HTR1E: variants seen among roughly 807,000 people sequenced by gnomAD.
HTR1E encodes 5-HT-1E.
Under a neutral mutation model 3.4 loss-of-function variants are expected in HTR1E, and 3 were observed. That is an observed-to-expected ratio of 0.89 (90% confidence interval 0.41 to 2.31). HTR1E has a LOEUF of 2.31. Among genes scored for constraint, HTR1E ranks in the 30% most tolerant of loss-of-function variants. The pLI is 0.05. For synonymous variants in HTR1E, 170 were observed against 182.8 expected (o/e 0.93, Z 0.56); for missense variants, 392 against 467.0 (o/e 0.84, Z 1.48).
intron 1 of HTR1E, among the ~76,000 whole-genome samples, chr6:86,941,804 A>T (rs1768549376): frequency 1.3e-5 from 2 of 151,940 alleles, no homozygotes; most frequent in Non-Finnish European, 2.9e-5. Flanking sequence ...AGATCCTCCT[A>T]ATGACCCCAT....
intron 1 of HTR1E, among the ~76,000 whole-genome samples, chr6:86,943,233 G>C (rs963541882): frequency 6.6e-6 from 1 of 152,172 alleles, no homozygotes; most frequent in African/African-American, 2.4e-5. Flanking sequence ...ACACAGCCAA[G>C]AGGATGGGGT....
intron 1 of HTR1E, among the ~76,000 whole-genome samples, chr6:87,012,113 A>C (rs1768247366): frequency 1.3e-5 from 2 of 152,168 alleles, no homozygotes; most frequent in Non-Finnish European, 2.9e-5. Context: ...TGGGGATCTG[A>C]AAGAACTGTA....
intron 1 of HTR1E, among the ~76,000 whole-genome samples, chr6:86,988,290 C>A (rs1030604420): frequency 5.9e-5 from 9 of 152,106 alleles, no homozygotes; most frequent in Admixed American, 4.6e-4. Flanking sequence ...ACGGGAAGTA[C>A]ACTGCAAAGA....
At chr6:86,940,323 C>T (rs966396206) in intron 1 of HTR1E, among the ~76,000 whole-genome samples, 40 of 151,974 alleles carry the variant, frequency 2.6e-4, no homozygotes, top group African/African-American at 9.4e-4. Context: ...ATCACATGAG[C>T]CCATGAGTTC....
At chr6:86,988,823 G>A (rs1767832898) in intron 1 of HTR1E, among the ~76,000 whole-genome samples, 2 of 152,078 alleles carry the variant, frequency 1.3e-5, no homozygotes, top group East Asian at 3.9e-4. Flanking sequence ...TCACCAAAGA[G>A]TAGAAAATAA....
chr6:86,999,959 A>C (rs2127829934), intron 1 of HTR1E: 1 of 152,858 alleles, frequency 6.5e-6, no homozygotes, highest in Non-Finnish European at 1.5e-5. Context: ...CACTAGAATA[A>C]ATTTTTAAAA....
chr6:86,972,272 T>G (rs1004697508), intron 1 of HTR1E, among the ~76,000 whole-genome samples: 1 of 152,184 alleles, frequency 6.6e-6, no homozygotes, highest in Non-Finnish European at 1.5e-5. Flanking sequence ...TATTAAAAAT[T>G]CTTTATGCAT....
intron 1 of HTR1E, among the ~76,000 whole-genome samples, chr6:86,962,301 A>C: frequency 6.6e-6 from 1 of 152,208 alleles, no homozygotes. Context: ...TCATCTTATC[A>C]GCTATTTGAG....
chr6:87,014,460 A>G (rs967558687), intron 1 of HTR1E, among the ~76,000 whole-genome samples: 27 of 152,152 alleles, frequency 1.8e-4, no homozygotes, highest in Admixed American at 1.5e-3. Context: ...TACTGGGTAT[A>G]TACCCAAAGG....
At chr6:86,958,722 G>T (rs1312635530) in intron 1 of HTR1E, among the ~76,000 whole-genome samples, 1 of 152,158 alleles carries the variant, frequency 6.6e-6, no homozygotes, top group Non-Finnish European at 1.5e-5. Context: ...ATGGCAGTGG[G>T]CCCAAGTTTT....
intron 1 of HTR1E, among the ~76,000 whole-genome samples, chr6:86,996,491 T>TTA (rs3043130): frequency 0.61 from 92,465 of 151,646 alleles, 28,644 homozygotes; most frequent in Admixed American, 0.71. Context: ...AAATAAAAGA[T>TTA]TGTTATTTTG....
chr6:87,004,733 T>C (rs1180743243), intron 1 of HTR1E, among the ~76,000 whole-genome samples: 1 of 151,988 alleles, frequency 6.6e-6, no homozygotes, highest in Non-Finnish European at 1.5e-5. Context: ...GTGCTGGAAG[T>C]CCTAGCTAGA....
At position 87,010,387 on chromosome 6, in the gene HTR1E, G is replaced by A. The variant is rs1245325694; in HGVS notation, c.-185-4763G>A. ...GGGCTGACCCCCCCATCTCCCTCCC[G>A]GACGGGGTGGCTGGCCGGGCTGAGG... is the stretch of plus-strand genomic sequence containing the variant. On this transcript the variant is annotated intron_variant, in intron 1 of 1. Transcript: ENST00000305344. Among the ~76,000 whole-genome samples the A allele has an allele frequency of 6.1e-5, 8 of 132,202 alleles. No homozygotes were observed. The East Asian group carries it at 7.5e-4, about 12-fold the overall frequency. The allele number at this position is 132,202 out of a possible 152,430, so 86.7% of individuals were successfully genotyped here.
intron 1 of HTR1E, among the ~76,000 whole-genome samples, chr6:87,012,176 T>A (rs1768248684): frequency 6.6e-6 from 1 of 152,214 alleles, no homozygotes; most frequent in South Asian, 2.1e-4. Context: ...GCATGCAACA[T>A]CTGAAACCCC....
chr6:86,944,445 T>G (rs373771704), intron 1 of HTR1E, among the ~76,000 whole-genome samples: 2 of 152,324 alleles, frequency 1.3e-5, no homozygotes, highest in South Asian at 4.1e-4. Context: ...AGACTGAAAT[T>G]AGATAATCTG....
At chr6:86,942,477 G>C (rs1768559663) in intron 1 of HTR1E, among the ~76,000 whole-genome samples, 1 of 152,064 alleles carries the variant, frequency 6.6e-6, no homozygotes. Flanking sequence ...CTACCATATA[G>C]TTCATCATAA....
chr6:86,979,170 T>C (rs1441823144), intron 1 of HTR1E, among the ~76,000 whole-genome samples: 1 of 152,206 alleles, frequency 6.6e-6, no homozygotes, highest in Non-Finnish European at 1.5e-5. Flanking sequence ...TTTATTTTGA[T>C]TTTTTTGCAC....
Position 86,981,122 on chromosome 6 carries a change from T to C in HTR1E, c.-185-34028T>C, listed in dbSNP as rs139483444. Among the ~76,000 whole-genome samples, 1,225 of 152,302 alleles carry C rather than the reference T, an allele frequency of 8.0e-3. 5 individuals carry two copies. Among genetic ancestry groups the C allele is most frequent in the Middle Eastern group, 0.041 (12 of 294 alleles). ...CTCCAACTACTCTTCAAAGGAGTAA[T>C]GGGTTGAGGCAACAGAGGCTCAGAT... is the stretch of plus-strand genomic sequence containing the variant. On this transcript the variant is annotated intron_variant, in intron 1 of 1. Coordinates refer to ENST00000305344, the MANE Select transcript of HTR1E (RefSeq NM_000865.3).
intron 1 of HTR1E, among the ~76,000 whole-genome samples, chr6:86,971,896 T>C (rs1767562809): frequency 6.6e-6 from 1 of 152,122 alleles, no homozygotes; most frequent in Non-Finnish European, 1.5e-5. Flanking sequence ...CACTTATAAG[T>C]AAGAACATAC....
Sources: allele counts gnomAD v4.1 joint callset (sites outside exome capture counted in the v4.1 genomes callset), GRCh38; gene constraint gnomAD v4.1.1; transcripts MANE v1.5; gene names NCBI Gene and HGNC (gene_info 2026-07-23, HGNC 2026-07-21).